Variants in RAB3C observed in about 807,000 individuals in gnomAD.
The protein encoded by RAB3C is RAB3C, member RAS oncogene family, also known as ras-related protein Rab-3C.
A neutral mutation model predicts 26.4 loss-of-function variants in RAB3C; 17 were observed. The ratio of observed to expected loss-of-function variants is 0.64; its 90% CI spans 0.44 to 0.97. The LOEUF (loss-of-function observed/expected upper bound fraction) is 0.97. RAB3C is among the 50% of genes least tolerant of loss of function. The pLI, the probability that RAB3C is intolerant of heterozygous loss-of-function variation, is 0.00. For missense variants in RAB3C, 242 were observed against 281.9 expected (o/e 0.86, Z 1.01); for synonymous variants, 91 against 95.9 (o/e 0.95, Z 0.30).
intron 2 of RAB3C, among the ~76,000 whole-genome samples, chr5:58,635,934 A>C (rs767361382): frequency 6.6e-6 from 1 of 152,164 alleles, no homozygotes; most frequent in Non-Finnish European, 1.5e-5. Context: ...TGCATTTGGG[A>C]AGTAGAGAAA....
At chr5:58,833,903 T>G (rs1400257999) in intron 4 of RAB3C, among the ~76,000 whole-genome samples, 1 of 152,160 alleles carries the variant, frequency 6.6e-6, no homozygotes, top group Non-Finnish European at 1.5e-5. Context: ...GGAGGCTCTT[T>G]AGGAAGAAAA....
intron 3 of RAB3C, among the ~76,000 whole-genome samples, chr5:58,786,955 AAGG>A (rs1484708544): frequency 6.6e-6 from 1 of 152,034 alleles, no homozygotes; most frequent in African/African-American, 2.4e-5. Flanking sequence ...GGCCAGTTGA[AAGG>A]AGCACAAGAG....
At chr5:58,832,163 C>T (rs1048792444) in intron 4 of RAB3C, among the ~76,000 whole-genome samples, 1 of 152,152 alleles carries the variant, frequency 6.6e-6, no homozygotes, top group Non-Finnish European at 1.5e-5. Flanking sequence ...AGCTTTCATG[C>T]ACCCTAGTCT....
rs571584484 is a variant in RAB3C at position 58,637,147 on chromosome 5, C to A, written c.252+19277C>A. Among the ~76,000 whole-genome samples, 12 of 143,582 alleles carry A rather than the reference C, an allele frequency of 8.4e-5. No individual in the cohort carries two copies. The East Asian group carries it at 2.4e-3, about 29-fold the overall frequency. 94.2% of individuals were successfully genotyped at this position (143,582 alleles called of 152,430 possible). ...GTTTGAATGGTTTAATAATCTCTTCCAATTCCCCATCCCTGATGTCACAAA... is the reference window on the plus strand; with the variant it reads ...GTTTGAATGGTTTAATAATCTCTTCAAATTCCCCATCCCTGATGTCACAAA... On this transcript the variant is annotated intron_variant, in intron 2 of 4. Transcript: ENST00000282878.
chr5:58,582,972 T>C, upstream of RAB3C: 2 of 1,168,566 alleles, frequency 1.7e-6, no homozygotes, highest in Non-Finnish European at 2.3e-6. Flanking sequence ...AGTTCACCGC[T>C]CGCCCGTTTG....
chr5:58,614,906 A>G (rs747093742), intron 1 of RAB3C, among the ~76,000 whole-genome samples: 1 of 152,146 alleles, frequency 6.6e-6, no homozygotes, highest in Non-Finnish European at 1.5e-5. Flanking sequence ...CAGAATAATA[A>G]CCACTGTTTA....
At chr5:58,813,033 G>A (rs1412529968) in intron 3 of RAB3C, among the ~76,000 whole-genome samples, 3 of 152,164 alleles carry the variant, frequency 2.0e-5, no homozygotes, top group African/African-American at 4.8e-5. Flanking sequence ...CATTGGAAAG[G>A]TTTGTATTCC....
Position 58,604,419 on chromosome 5 carries a change from G to A in RAB3C, c.25-13224G>A, listed in dbSNP as rs536204350. ...CCACTACCAGAAAGGTGGGTAGGTA[G>A]GGAAGGACTATGGGGAGTGGGACTA... On this transcript the variant is annotated intron_variant, in intron 1 of 4. Coordinates refer to ENST00000282878, the MANE Select transcript of RAB3C (RefSeq NM_138453.4). Among the ~76,000 whole-genome samples the A allele has an allele frequency of 2.6e-5, 4 of 152,336 alleles. No individual in the cohort carries two copies. The South Asian group carries it at 8.3e-4, about 32-fold the overall frequency.
intron 1 of RAB3C, among the ~76,000 whole-genome samples, chr5:58,584,691 C>G (rs994366740): frequency 6.6e-6 from 1 of 152,034 alleles, no homozygotes; most frequent in Admixed American, 6.5e-5. Context: ...AAAACATGTA[C>G]ATCTTAAATT....
intron 2 of RAB3C, among the ~76,000 whole-genome samples, chr5:58,674,058 G>A (rs1233231560): frequency 6.6e-6 from 1 of 152,212 alleles, no homozygotes; most frequent in Admixed American, 6.5e-5. Flanking sequence ...ATAAGAGTAA[G>A]TTTGGGAGGA....
At position 58,857,206 on chromosome 5, in the gene RAB3C, T is replaced by C. The variant is rs1008412237; in HGVS notation, c.*5855T>C. ...GTGTGACTTATTCAAATGATTTTCT[T>C]GTAGCTGTATTTGTCTAGTGGTGCA... On this transcript the variant is annotated 3_prime_UTR_variant, in exon 5 of 5. Coordinates refer to ENST00000282878, the MANE Select transcript of RAB3C (RefSeq NM_138453.4). The C allele has an allele frequency of 6.6e-6, 1 of 152,192 alleles. No individual in the cohort carries two copies. The allele number at this position is 152,192 out of a possible 1,614,324, so 9.4% of individuals were successfully genotyped here.
chr5:58,703,777 G>A (rs112047458), intron 2 of RAB3C, among the ~76,000 whole-genome samples: 64 of 152,058 alleles, frequency 4.2e-4, no homozygotes, highest in African/African-American at 1.4e-3. Flanking sequence ...ATTTTGATGC[G>A]TAATAAAATT....
chr5:58,609,367 A>C (rs1746644715), intron 1 of RAB3C, among the ~76,000 whole-genome samples: 1 of 152,132 alleles, frequency 6.6e-6, no homozygotes. Context: ...TCATTTTTCC[A>C]GCAGGGGAAA....
intron 2 of RAB3C, among the ~76,000 whole-genome samples, chr5:58,674,229 G>A (rs950044318): frequency 6.6e-5 from 10 of 152,158 alleles, no homozygotes; most frequent in African/African-American, 4.8e-5. Context: ...GTATTTGAAT[G>A]TTCTATGTGA....
In RAB3C at chr5:58,857,551, A is replaced by G. The variant is rs1744292861; in HGVS notation, c.*6200A>G. The G allele has an allele frequency of 6.6e-6, 1 of 152,176 alleles. No individual in the cohort carries two copies. Among genetic ancestry groups the G allele is most frequent in the South Asian group, 2.1e-4 (1 of 4,834 alleles). The allele number at this position is 152,176 out of a possible 1,614,324, so 9.4% of individuals were successfully genotyped here. ...TCTTCTCAGAAAGGTTGATCACATGACATGTCTACTAAGAATTTTCACCTC... is the reference window on the plus strand; with the variant it reads ...TCTTCTCAGAAAGGTTGATCACATGGCATGTCTACTAAGAATTTTCACCTC... On this transcript the variant is annotated 3_prime_UTR_variant, in exon 5 of 5. Transcript: ENST00000282878.
At chr5:58,796,044 G>A (rs529713670) in intron 3 of RAB3C, among the ~76,000 whole-genome samples, 1 of 152,208 alleles carries the variant, frequency 6.6e-6, no homozygotes, top group Admixed American at 6.5e-5. Flanking sequence ...CTCCAATCAG[G>A]TTCACTGATA....
chr5:58,767,720 G>A (rs182230242), intron 3 of RAB3C, among the ~76,000 whole-genome samples: 45 of 152,150 alleles, frequency 3.0e-4, no homozygotes, highest in Admixed American at 2.6e-4. Context: ...GCTAGACAAC[G>A]GTCATATTCA....
At chr5:58,656,093 A>C (rs573015064) in intron 2 of RAB3C, among the ~76,000 whole-genome samples, 2 of 152,186 alleles carry the variant, frequency 1.3e-5, no homozygotes, top group African/African-American at 4.8e-5. Flanking sequence ...CCCTAAACCT[A>C]ACTCTTACAT....
intron 2 of RAB3C, among the ~76,000 whole-genome samples, chr5:58,630,300 A>G (rs1325660853): frequency 1.3e-5 from 2 of 152,206 alleles, no homozygotes; most frequent in Non-Finnish European, 2.9e-5. Flanking sequence ...TGGTGTTCTC[A>G]TATTTTTTGA....
Sources: allele counts gnomAD v4.1 joint callset (sites outside exome capture counted in the v4.1 genomes callset), GRCh38; gene constraint gnomAD v4.1.1; transcripts MANE v1.5; gene names NCBI Gene and HGNC (gene_info 2026-07-23, HGNC 2026-07-21).